CFAP47: variants seen among roughly 807,000 people sequenced by gnomAD.
CFAP47 encodes the protein cilia and flagella associated protein 47.
A neutral mutation model predicts 148.1 loss-of-function variants in CFAP47; 29 were observed. The observed-to-expected ratio is 0.20, with a 90% CI of 0.15 to 0.27. CFAP47 has a LOEUF of 0.27. CFAP47 is among the 10% of genes least tolerant of loss of function. The probability of loss-of-function intolerance (pLI) is 1.00; values close to 1 mark genes in which losing one functional copy is unlikely to be tolerated. For synonymous variants in CFAP47, 664 were observed against 577.3 expected (o/e 1.15, Z -2.15); for missense variants, 1,872 against 1,697.5 (o/e 1.10, Z -1.81).
intron 1 of CFAP47, among the ~76,000 whole-genome samples, chrX:35,924,241 A>G (rs1003543351): frequency 6.6e-5 from 6 of 91,079 alleles, no homozygotes; most frequent in African/African-American, 1.0e-4. Context: ...ATGGACATGT[A>G]TGTGTGCATA....
intron 33 of CFAP47, among the ~76,000 whole-genome samples, chrX:36,136,682 C>T (rs1939050566): frequency 9.0e-6 from 1 of 110,594 alleles, no homozygotes; most frequent in South Asian, 3.9e-4. Flanking sequence ...ACAAGGTATA[C>T]TTATATCAAA....
At chrX:36,381,504 T>A (rs1288652813) in intron 63 of CFAP47, among the ~76,000 whole-genome samples, 1 of 111,941 alleles carries the variant, frequency 8.9e-6, no homozygotes, top group African/African-American at 3.2e-5. Flanking sequence ...GTTAATTAAA[T>A]ATTAGCCCAA....
At chrX:35,969,130 CTATTTAT>C (rs1936453195) in intron 10 of CFAP47, among the ~76,000 whole-genome samples, 1 of 110,838 alleles carries the variant, frequency 9.0e-6, no homozygotes, top group Non-Finnish European at 1.9e-5. Context: ...CAAGTATTTA[CTATTTAT>C]CCCCTGACCA....
chrX:36,334,711 A>T (rs1313426154), intron 57 of CFAP47, among the ~76,000 whole-genome samples: 1 of 110,487 alleles, frequency 9.1e-6, no homozygotes, highest in African/African-American at 3.3e-5. Context: ...AAATTTAACT[A>T]TGAACTCATT....
At chrX:36,130,256 G>T (rs115134689) in intron 33 of CFAP47, among the ~76,000 whole-genome samples, 4,265 of 110,851 alleles carry the variant, frequency 0.038, 214 homozygotes, top group African/African-American at 0.13. Flanking sequence ...GATAAAAAAT[G>T]GGCAAAAAAT....
intron 6 of CFAP47, among the ~76,000 whole-genome samples, chrX:35,952,281 C>T (rs1165790535): frequency 1.8e-5 from 2 of 111,590 alleles, no homozygotes; most frequent in Admixed American, 9.5e-5. Flanking sequence ...GTTGTCCCCA[C>T]GAATAGTCAG....
intron 48 of CFAP47, among the ~76,000 whole-genome samples, 199 bp downstream of exon 48, chrX:36,237,058 A>T (rs1354746012): frequency 8.9e-6 from 1 of 112,158 alleles, no homozygotes; most frequent in East Asian, 2.8e-4. Context: ...TTGAATTAGG[A>T]TGAAATAAGT....
chrX:36,118,636 G>A (rs1449897848), intron 33 of CFAP47, among the ~76,000 whole-genome samples: 2 of 109,888 alleles, frequency 1.8e-5, no homozygotes, highest in Admixed American at 9.7e-5. Flanking sequence ...ACCATGCCCG[G>A]CTAATTTTTT....
intron 25 of CFAP47, among the ~76,000 whole-genome samples, chrX:36,042,452 G>T (rs1265760420): frequency 5.5e-4 from 61 of 110,357 alleles, no homozygotes. Context: ...ATCAAAATAG[G>T]CAAATATAAC....
At chrX:35,969,673 T>C (rs1217042758) in intron 10 of CFAP47, among the ~76,000 whole-genome samples, 1 of 111,495 alleles carries the variant, frequency 9.0e-6, no homozygotes, top group Admixed American at 9.6e-5. Context: ...CAAATATATG[T>C]AGGAATTATT....
chrX:36,085,722 A>G (rs1364355310), intron 30 of CFAP47, among the ~76,000 whole-genome samples, 184 bp downstream of exon 30: 2 of 108,672 alleles, frequency 1.8e-5, no homozygotes, highest in Non-Finnish European at 3.8e-5. Flanking sequence ...GGTAAAGTAT[A>G]TATATCTCAC....
intron 57 of CFAP47, among the ~76,000 whole-genome samples, chrX:36,338,888 C>T (rs781990651): frequency 8.9e-6 from 1 of 111,823 alleles, no homozygotes; most frequent in Non-Finnish European, 1.9e-5. Flanking sequence ...CTTCCTGGAA[C>T]ACCCTGTATT....
intron 57 of CFAP47, among the ~76,000 whole-genome samples, chrX:36,329,322 G>A (rs923353683): frequency 9.0e-6 from 1 of 111,093 alleles, no homozygotes; most frequent in African/African-American, 3.3e-5. Context: ...AAAATAATCA[G>A]GCAAACTCAA....
intron 46 of CFAP47, among the ~76,000 whole-genome samples, chrX:36,230,306 C>A (rs1223718976): frequency 9.3e-6 from 1 of 107,321 alleles, no homozygotes; most frequent in Non-Finnish European, 1.9e-5. Flanking sequence ...GCCATTCTAA[C>A]TGGTGTGAGA....
intron 21 of CFAP47, among the ~76,000 whole-genome samples, chrX:36,010,163 A>G (rs1338758264): frequency 8.9e-6 from 1 of 111,955 alleles, no homozygotes; most frequent in Non-Finnish European, 1.9e-5. Flanking sequence ...GTAACTTGAA[A>G]TGCAATAAGA....
intron 42 of CFAP47, among the ~76,000 whole-genome samples, chrX:36,193,650 G>A (rs1319413658): frequency 9.0e-6 from 1 of 110,732 alleles, no homozygotes; most frequent in Non-Finnish European, 1.9e-5. Flanking sequence ...CCAATATGGG[G>A]GCAGGTTATG....
intron 8 of CFAP47, among the ~76,000 whole-genome samples, chrX:35,964,486 G>A (rs1161779342): frequency 9.0e-6 from 1 of 111,227 alleles, no homozygotes; most frequent in East Asian, 2.8e-4. Flanking sequence ...TCTTTGATAT[G>A]TAGATTGTCT....
intron 3 of CFAP47, among the ~76,000 whole-genome samples, chrX:35,947,482 G>C (rs1205001027): frequency 9.1e-6 from 1 of 109,698 alleles, no homozygotes; most frequent in Non-Finnish European, 1.9e-5. Context: ...AATAACATGT[G>C]GGTGTAATTG....
At chrX:36,384,714 A>G in intron 63 of CFAP47, 83 bp from the exon 64 acceptor site, 5 of 651,858 alleles carry the variant, frequency 7.7e-6, no homozygotes, top group Non-Finnish European at 1.2e-5. Context: ...AGAACAGAAG[A>G]TGTTAATTAT....
Sources: gnomAD v4.1 joint callset for allele counts (sites outside exome capture counted in the v4.1 genomes callset) on GRCh38, gnomAD v4.1.1 for gene constraint, MANE v1.5 for transcripts, NCBI Gene and HGNC (gene_info 2026-07-23, HGNC 2026-07-21) for gene names.